DYM: variants seen among roughly 807,000 people sequenced by gnomAD.
DYM encodes dymeclin, also known as dyggve-Melchior-Clausen syndrome protein.
DYM carries 78 observed loss-of-function variants against 93.1 expected under a neutral mutation model. The observed-to-expected ratio is 0.84, with a 90% CI of 0.70 to 1.01. The LOEUF (loss-of-function observed/expected upper bound fraction) is 1.01, where lower values mean the gene tolerates loss of function less well. DYM is among the 50% of genes least tolerant of loss of function. The probability of loss-of-function intolerance (pLI) is 0.00; values close to 1 mark genes in which losing one functional copy is unlikely to be tolerated. For synonymous variants in DYM, 321 were observed against 319.7 expected (o/e 1.00, Z -0.04); for missense variants, 789 against 845.0 (o/e 0.93, Z 0.82).
At chr18:49,184,259 G>C (rs1018897390) in intron 14 of DYM, among the ~76,000 whole-genome samples, 1 of 151,234 alleles carries the variant, frequency 6.6e-6, no homozygotes, top group African/African-American at 2.4e-5. Flanking sequence ...TTTTGGCGGG[G>C]GAAGGGAAGT....
chr18:49,102,244 C>T (rs1353515099), intron 16 of DYM, among the ~76,000 whole-genome samples: 1 of 152,226 alleles, frequency 6.6e-6, no homozygotes, highest in African/African-American at 2.4e-5. Context: ...CAGACATTAA[C>T]TTATTTAAGG....
In DYM at chr18:49,114,565, A is replaced by G. The variant is rs1486753555; in HGVS notation, c.1911+4179T>C. ...CTGCTTTTCACTTCTTCCAAAGGAGAATGTGTTTCAAATGGATGTAGTTTA... is the reference window on the plus strand; with the variant it reads ...CTGCTTTTCACTTCTTCCAAAGGAGGATGTGTTTCAAATGGATGTAGTTTA... On this transcript the variant is annotated intron_variant, in intron 16 of 17. Coordinates refer to ENST00000675505, the MANE Select transcript of DYM (RefSeq NM_001353214.3). The G allele has an allele frequency of 4.1e-6, 4 of 985,178 alleles. No homozygotes were observed. The East Asian group carries it at 4.5e-4, about 112-fold the overall frequency. 61.0% of individuals were successfully genotyped at this position (985,178 alleles called of 1,614,324 possible).
intron 1 of DYM, among the ~76,000 whole-genome samples, chr18:49,449,543 C>T (rs1006922680): frequency 6.6e-6 from 1 of 152,136 alleles, no homozygotes; most frequent in Non-Finnish European, 1.5e-5. Flanking sequence ...GTTAATTTCC[C>T]CAAACCTTAA....
chr18:49,235,624 C>A (rs934589672), intron 13 of DYM, among the ~76,000 whole-genome samples: 5 of 152,090 alleles, frequency 3.3e-5, no homozygotes, highest in African/African-American at 1.2e-4. Context: ...TGACATTACA[C>A]TGCTACCAGT....
chr18:49,200,651 T>G (rs1307427729), intron 14 of DYM, among the ~76,000 whole-genome samples: 2 of 152,088 alleles, frequency 1.3e-5, no homozygotes, highest in Non-Finnish European at 2.9e-5. Flanking sequence ...TTAAGATAAA[T>G]TCCAATATAT....
chr18:49,331,494 C>A (rs774690722), intron 8 of DYM, among the ~76,000 whole-genome samples: 2 of 152,154 alleles, frequency 1.3e-5, no homozygotes, highest in Non-Finnish European at 2.9e-5. Context: ...GAAATCCTAA[C>A]CAAAATATAC....
chr18:49,353,640 A>T (rs1375316727), intron 6 of DYM, among the ~76,000 whole-genome samples: 1 of 152,068 alleles, frequency 6.6e-6, no homozygotes, highest in East Asian at 1.9e-4. Context: ...AGACGTCAAT[A>T]AATAATTTAA....
chr18:49,292,129 TTGAC>T (rs1460906364), intron 8 of DYM, among the ~76,000 whole-genome samples: 1 of 152,056 alleles, frequency 6.6e-6, no homozygotes, highest in Non-Finnish European at 1.5e-5. Flanking sequence ...TAGAAATGAG[TTGAC>T]TACTACTGAA....
chr18:49,203,870 G>GA (rs2092305853), intron 14 of DYM, among the ~76,000 whole-genome samples: 1 of 10,708 alleles, frequency 9.3e-5, no homozygotes, highest in Non-Finnish European at 2.2e-4. Context: ...ATTTAAAAAA[G>GA]TAAAAAAAAA....
chr18:49,393,161 G>T (rs896777477), intron 2 of DYM, among the ~76,000 whole-genome samples: 3 of 121,234 alleles, frequency 2.5e-5, no homozygotes, highest in African/African-American at 9.1e-5. Flanking sequence ...AGGAAGGAAG[G>T]AAGGAAAAAA....
chr18:49,056,634 C>T (rs538148959), intron 17 of DYM, among the ~76,000 whole-genome samples: 29 of 152,008 alleles, frequency 1.9e-4, no homozygotes, highest in Non-Finnish European at 3.4e-4. Flanking sequence ...ACCTCCCAGG[C>T]TCAAGCGATC....
chr18:49,177,595 G>C (rs1179021375), intron 14 of DYM, among the ~76,000 whole-genome samples: 2 of 151,890 alleles, frequency 1.3e-5, no homozygotes, highest in African/African-American at 2.4e-5. Context: ...ACACCTATTA[G>C]CTTCATCACT....
intron 2 of DYM, among the ~76,000 whole-genome samples, chr18:49,417,579 G>T (rs187349246): frequency 1.5e-3 from 228 of 152,150 alleles, no homozygotes; most frequent in Non-Finnish European, 2.7e-3. Flanking sequence ...GAGTGAGGAA[G>T]TTAATATATA....
chr18:49,107,538 T>C (rs921776566), intron 16 of DYM, among the ~76,000 whole-genome samples: 2 of 152,244 alleles, frequency 1.3e-5, no homozygotes, highest in African/African-American at 2.4e-5. Flanking sequence ...TTTGTGATTT[T>C]ATCTACCTTT....
chr18:49,313,656 G>A (rs981970828), intron 8 of DYM, among the ~76,000 whole-genome samples: 8 of 151,836 alleles, frequency 5.3e-5, no homozygotes, highest in South Asian at 2.1e-4. Flanking sequence ...CTACGGAGTC[G>A]CCATTCTTTT....
intron 1 of DYM, among the ~76,000 whole-genome samples, chr18:49,435,263 C>A (rs1184347565): frequency 6.9e-6 from 1 of 144,264 alleles, no homozygotes; most frequent in African/African-American, 2.6e-5. Context: ...TATATGTGAA[C>A]TGAAAATGCA....
At chr18:49,377,801 T>C (rs1407232212) in intron 5 of DYM, among the ~76,000 whole-genome samples, 1 of 152,198 alleles carries the variant, frequency 6.6e-6, no homozygotes, top group Non-Finnish European at 1.5e-5. Flanking sequence ...AGTGTTATTA[T>C]ACATATGCAT....
At chr18:49,097,660 T>C in intron 16 of DYM, 145 bp from the exon 17 acceptor site, 1 of 768,120 alleles carries the variant, frequency 1.3e-6, no homozygotes, top group Non-Finnish European at 2.2e-6. Context: ...CTAAACGCAG[T>C]TTGCTCTCCG....
At chr18:49,080,330 G>C (rs1485080538) in intron 17 of DYM, among the ~76,000 whole-genome samples, 1 of 130,656 alleles carries the variant, frequency 7.7e-6, no homozygotes, top group African/African-American at 2.9e-5. Flanking sequence ...CTGGCCGGGC[G>C]GGGGGCTGAC....
Sources: gnomAD v4.1 joint callset for allele counts (sites outside exome capture counted in the v4.1 genomes callset) on GRCh38, gnomAD v4.1.1 for gene constraint, MANE v1.5 for transcripts, NCBI Gene and HGNC (gene_info 2026-07-23, HGNC 2026-07-21) for gene names.